The following GULP1 variants were observed in gnomAD, a reference collection of about 807,000 sequenced individuals.
GULP1 encodes PTB domain-containing engulfment adapter protein 1.
GULP1 carries 19 observed loss-of-function variants against 40.9 expected under a neutral mutation model. That is an observed-to-expected ratio of 0.46 (90% CI 0.32 to 0.68). The LOEUF is 0.68. Among genes scored for constraint, GULP1 ranks in the 30% least tolerant of loss-of-function variants. The pLI, the probability that GULP1 is intolerant of heterozygous loss-of-function variation, is 0.03. For synonymous variants in GULP1, 119 were observed against 117.6 expected (o/e 1.01, Z -0.08); for missense variants, 312 against 362.2 (o/e 0.86, Z 1.12).
At chr2:188,459,081 T>G (rs2059499035) in intron 2 of GULP1, among the ~76,000 whole-genome samples, 1 of 152,308 alleles carries the variant, frequency 6.6e-6, no homozygotes, top group African/African-American at 2.4e-5. Context: ...CATTTCTTTT[T>G]GTCCATTCAC....
chr2:188,423,431 C>T (rs2055731524), intron 2 of GULP1, among the ~76,000 whole-genome samples: 1 of 151,772 alleles, frequency 6.6e-6, no homozygotes, highest in Non-Finnish European at 1.5e-5. Context: ...ATTCTTTTTG[C>T]TACACAGTGC....
At chr2:188,366,448 C>T (rs1477965181) in intron 1 of GULP1, among the ~76,000 whole-genome samples, 1 of 152,124 alleles carries the variant, frequency 6.6e-6, no homozygotes, top group Non-Finnish European at 1.5e-5. Flanking sequence ...TCTGTGTTAA[C>T]TGCCCAGTAT....
chr2:188,379,009 A>G (rs2048668787), intron 1 of GULP1, among the ~76,000 whole-genome samples: 1 of 152,080 alleles, frequency 6.6e-6, no homozygotes, highest in African/African-American at 2.4e-5. Context: ...ACACACACTC[A>G]CACTATATAT....
At chr2:188,546,033 T>C (rs1575961184) in intron 7 of GULP1, among the ~76,000 whole-genome samples, 1 of 152,002 alleles carries the variant, frequency 6.6e-6, no homozygotes, top group Non-Finnish European at 1.5e-5. Context: ...CAAGAAGATA[T>C]GGTAATCCTA....
intron 8 of GULP1, 41 bp from the exon 9 acceptor site, chr2:188,569,987 A>C (rs978584504): frequency 2.4e-6 from 2 of 818,422 alleles, no homozygotes; most frequent in African/African-American, 3.5e-5. Context: ...TTTCCAAGAA[A>C]AAAAAAACAG....
At chr2:188,593,805 C>G (rs1704057068) in intron 11 of GULP1, 135 bp from the exon 12 acceptor site, 2 of 592,890 alleles carry the variant, frequency 3.4e-6, no homozygotes, top group Non-Finnish European at 6.1e-6. Flanking sequence ...TTCAGCAAGT[C>G]AACATTTGAC....
At chr2:188,440,744 A>G (rs1465292069) in intron 2 of GULP1, among the ~76,000 whole-genome samples, 1 of 152,178 alleles carries the variant, frequency 6.6e-6, no homozygotes, top group African/African-American at 2.4e-5. Flanking sequence ...ATCCAAACCA[A>G]GTTGTTTGTT....
At chr2:188,321,299 TCTAA>T (rs2039945875) in intron 1 of GULP1, among the ~76,000 whole-genome samples, 2 of 152,194 alleles carry the variant, frequency 1.3e-5, no homozygotes, top group Admixed American at 6.5e-5. Context: ...TTTTATAATT[TCTAA>T]CTATGTAAAC....
At chr2:188,309,537 C>T (rs1283486669) in intron 1 of GULP1, among the ~76,000 whole-genome samples, 7 of 152,120 alleles carry the variant, frequency 4.6e-5, no homozygotes, top group Non-Finnish European at 1.0e-4. Context: ...AAGAAAGAAG[C>T]TTCTGATAAT....
intron 1 of GULP1, among the ~76,000 whole-genome samples, chr2:188,353,752 A>G (rs563727339): frequency 6.6e-6 from 1 of 151,898 alleles, no homozygotes; most frequent in African/African-American, 2.4e-5. Flanking sequence ...AATGTACCCT[A>G]GTACCCAAGC....
Position 188,435,234 on chromosome 2 carries a change from A to G in GULP1, c.-44-42425A>G, listed in dbSNP as rs544103854. Reference sequence around the variant, plus strand: ...TGAAAGGTAGCTTTTGGGAATTCATATGACTCAGATTGTTCCAACTCTTTT... The same window carrying G: ...TGAAAGGTAGCTTTTGGGAATTCATGTGACTCAGATTGTTCCAACTCTTTT... On this transcript the variant is annotated intron_variant, in intron 2 of 11. Transcript: ENST00000409830. Among the ~76,000 whole-genome samples the G allele has an allele frequency of 9.2e-5, 14 of 152,206 alleles. No individual in the cohort carries two copies. In the East Asian group the frequency reaches 2.7e-3, roughly 29 times the overall value.
chr2:188,444,425 T>A (rs1241614583), intron 2 of GULP1, among the ~76,000 whole-genome samples: 1 of 151,798 alleles, frequency 6.6e-6, no homozygotes, highest in Non-Finnish European at 1.5e-5. Context: ...AAAAAACAAA[T>A]TATACGACAC....
At chr2:188,493,625 A>G (rs1346713258) in intron 4 of GULP1, among the ~76,000 whole-genome samples, 3 of 152,070 alleles carry the variant, frequency 2.0e-5, no homozygotes, top group African/African-American at 4.8e-5. Flanking sequence ...AATATAACAT[A>G]AGGACAAATC....
intron 2 of GULP1, among the ~76,000 whole-genome samples, chr2:188,433,937 T>G (rs1285922490): frequency 2.6e-5 from 4 of 151,738 alleles, no homozygotes; most frequent in Admixed American, 2.6e-4. Flanking sequence ...TTATACCTTT[T>G]TTTTTTCATT....
chr2:188,542,729 G>A (rs1690865942), intron 7 of GULP1, among the ~76,000 whole-genome samples: 1 of 152,066 alleles, frequency 6.6e-6, no homozygotes, highest in Admixed American at 6.6e-5. Flanking sequence ...AACTTCTGAT[G>A]AATGAATAAA....
chr2:188,504,188 CAT>C (rs1254902487), intron 4 of GULP1, among the ~76,000 whole-genome samples: 1 of 151,880 alleles, frequency 6.6e-6, no homozygotes, highest in Non-Finnish European at 1.5e-5. Flanking sequence ...ACATTAATAA[CAT>C]AGAGCTAGGA....
intron 1 of GULP1, among the ~76,000 whole-genome samples, chr2:188,322,314 G>A (rs1204285417): frequency 6.6e-6 from 1 of 151,366 alleles, no homozygotes; most frequent in African/African-American, 2.4e-5. Context: ...TTTTTTTTAG[G>A]GGTAGAGGAA....
rs913385505 is a variant in GULP1, at chr2:188,348,336, A to G, written c.-171-35427A>G. 3.3e-5 allele frequency among the ~76,000 whole-genome samples: 5 copies of G among 152,210 alleles called. No individual in the cohort carries two copies. In the East Asian group the frequency reaches 9.6e-4, roughly 29 times the overall value. On this transcript the variant is annotated intron_variant, in intron 1 of 11. Transcript: ENST00000409830. ...TATCTGGTCAAACCTGTAACTATTAACTGAAGCACTGGCCTTTTTACTGCC... is the reference window on the plus strand; with the variant it reads ...TATCTGGTCAAACCTGTAACTATTAGCTGAAGCACTGGCCTTTTTACTGCC...
At chr2:188,544,898 A>G (rs1691499589) in intron 7 of GULP1, among the ~76,000 whole-genome samples, 1 of 152,046 alleles carries the variant, frequency 6.6e-6, no homozygotes, top group Admixed American at 6.6e-5. Context: ...GTGATCTCCA[A>G]ACAGGATTAA....
Sources: gnomAD v4.1 joint callset for allele counts (sites outside exome capture counted in the v4.1 genomes callset) on GRCh38, gnomAD v4.1.1 for gene constraint, MANE v1.5 for transcripts, NCBI Gene and HGNC (gene_info 2026-07-23, HGNC 2026-07-21) for gene names.